CTNNA3: variants seen among roughly 807,000 people sequenced by gnomAD.
The protein encoded by CTNNA3 is catenin alpha-3.
Under a neutral mutation model 95.7 loss-of-function variants are expected in CTNNA3, and 76 were observed. That is an observed-to-expected ratio of 0.79 (90% CI 0.66 to 0.96). CTNNA3 has a LOEUF of 0.96. Ranked by LOEUF, CTNNA3 falls within the 40% of genes least tolerant of loss-of-function variation. The probability of loss-of-function intolerance (pLI) is 0.00; values close to 1 mark genes in which losing one functional copy is unlikely to be tolerated. For synonymous variants in CTNNA3, 431 were observed against 374.4 expected (o/e 1.15, Z -1.74); for missense variants, 1,191 against 1,089.8 (o/e 1.09, Z -1.31).
chr10:65,963,245 T>A (rs2077890530), intron 17 of CTNNA3, among the ~76,000 whole-genome samples: 1 of 152,178 alleles, frequency 6.6e-6, no homozygotes. Context: ...AAGCTTTTGC[T>A]CTACTTGCCC....
At chr10:66,105,992 T>G (rs1449245138) in intron 13 of CTNNA3, among the ~76,000 whole-genome samples, 1 of 152,072 alleles carries the variant, frequency 6.6e-6, no homozygotes, top group Non-Finnish European at 1.5e-5. Context: ...GTGGATCACC[T>G]GAGTCAGATG....
chr10:66,179,643 A>T (rs549824925), intron 13 of CTNNA3, among the ~76,000 whole-genome samples: 1 of 152,176 alleles, frequency 6.6e-6, no homozygotes, highest in Non-Finnish European at 1.5e-5. Context: ...ATCTCCATAA[A>T]GGCAATCACA....
chr10:67,332,031 TAA>T (rs1306961652), intron 5 of CTNNA3, among the ~76,000 whole-genome samples: 4 of 152,142 alleles, frequency 2.6e-5, no homozygotes, highest in Admixed American at 6.5e-5. Flanking sequence ...AGTGCTAAGA[TAA>T]AGAGTTTAGA....
chr10:67,381,130 T>C (rs1843928919), intron 5 of CTNNA3, among the ~76,000 whole-genome samples: 1 of 152,196 alleles, frequency 6.6e-6, no homozygotes, highest in Admixed American at 6.5e-5. Context: ...CTGAAGATCA[T>C]TAAAGTATTT....
chr10:66,682,006 A>C (rs4495782), intron 9 of CTNNA3, among the ~76,000 whole-genome samples: 84,233 of 152,008 alleles, frequency 0.55, 24,095 homozygotes, highest in African/African-American at 0.68. Context: ...CTGCAGCTAG[A>C]AACCTGTGGG....
chr10:67,187,246 C>A (rs914641120), intron 6 of CTNNA3, among the ~76,000 whole-genome samples: 64 of 152,184 alleles, frequency 4.2e-4, no homozygotes, highest in African/African-American at 1.4e-3. Flanking sequence ...CCATTACCAA[C>A]CATTTTGTGG....
intron 9 of CTNNA3, among the ~76,000 whole-genome samples, chr10:66,628,781 G>T (rs534882767): frequency 4.6e-5 from 7 of 152,180 alleles, no homozygotes; most frequent in Admixed American, 4.6e-4. Flanking sequence ...AGTTCTTCAG[G>T]TTGGTAGGAG....
At chr10:66,547,343 C>CTTTTTTTTTTT (rs1246714246) in intron 10 of CTNNA3, among the ~76,000 whole-genome samples, 3,828 of 83,000 alleles carry the variant, frequency 0.046, 1,172 homozygotes, top group African/African-American at 0.11. Flanking sequence ...ATTTTTCTTT[C>CTTTTTTTTTTT]TTTCTTTTTT....
intron 13 of CTNNA3, among the ~76,000 whole-genome samples, chr10:66,112,784 C>T (rs1205938943): frequency 6.6e-6 from 1 of 151,260 alleles, no homozygotes; most frequent in African/African-American, 2.4e-5. Context: ...TCACACTTGT[C>T]GTTGCATATG....
chr10:66,137,976 A>T (rs2083437925), intron 13 of CTNNA3, among the ~76,000 whole-genome samples: 1 of 152,090 alleles, frequency 6.6e-6, no homozygotes, highest in Admixed American at 6.6e-5. Context: ...TTTTGTGCAT[A>T]GATATATAAA....
chr10:67,174,797 T>A (rs1306253083), intron 7 of CTNNA3, among the ~76,000 whole-genome samples: 3 of 152,142 alleles, frequency 2.0e-5, no homozygotes, highest in African/African-American at 7.2e-5. Flanking sequence ...TATATCTTCT[T>A]GGACTTTGAC....
chr10:66,889,099 A>G (rs1035996249), intron 7 of CTNNA3, among the ~76,000 whole-genome samples: 2 of 152,044 alleles, frequency 1.3e-5, no homozygotes, highest in African/African-American at 4.8e-5. Flanking sequence ...CATATTACTA[A>G]GTGAAAGAAG....
At chr10:66,677,654 C>G (rs2132490628) in intron 9 of CTNNA3, among the ~76,000 whole-genome samples, 1 of 152,230 alleles carries the variant, frequency 6.6e-6, no homozygotes, top group East Asian at 1.9e-4. Flanking sequence ...CCTACACAAG[C>G]TCTCTTACCT....
chr10:67,750,635 C>A (rs745481412), intron 1 of CTNNA3: 35 of 1,547,514 alleles, frequency 2.3e-5, no homozygotes, highest in Non-Finnish European at 3.0e-5. Context: ...GGATACAAGT[C>A]TGGGGATGAT....
intron 1 of CTNNA3, among the ~76,000 whole-genome samples, chr10:67,727,018 GAT>G (rs1233579696): frequency 9.7e-6 from 1 of 103,262 alleles, no homozygotes; most frequent in African/African-American, 4.3e-5. Flanking sequence ...ATACATATAT[GAT>G]ATAATTATAT....
intron 17 of CTNNA3, among the ~76,000 whole-genome samples, chr10:65,947,346 G>C (rs1291086548): frequency 6.6e-6 from 1 of 152,040 alleles, no homozygotes; most frequent in Non-Finnish European, 1.5e-5. Flanking sequence ...AAATATATCA[G>C]TGAATAATAT....
intron 11 of CTNNA3, among the ~76,000 whole-genome samples, chr10:66,442,656 A>T (rs1308393763): frequency 6.6e-6 from 1 of 152,196 alleles, no homozygotes; most frequent in Non-Finnish European, 1.5e-5. Context: ...AATGAAAGAC[A>T]ACTAAAATTA....
intron 5 of CTNNA3, among the ~76,000 whole-genome samples, chr10:67,504,112 A>C (rs1031978876): frequency 2.0e-5 from 3 of 149,426 alleles, no homozygotes; most frequent in Non-Finnish European, 4.4e-5. Flanking sequence ...AGCCGAGATC[A>C]CGCCACTGCA....
At chr10:66,994,320 C>T (rs1851208662) in intron 7 of CTNNA3, among the ~76,000 whole-genome samples, 1 of 152,148 alleles carries the variant, frequency 6.6e-6, no homozygotes, top group African/African-American at 2.4e-5. Flanking sequence ...CTGGCCTTTG[C>T]TAATCACACC....
Sources: allele counts gnomAD v4.1 joint callset (sites outside exome capture counted in the v4.1 genomes callset), GRCh38; gene constraint gnomAD v4.1.1; transcripts MANE v1.5; gene names NCBI Gene and HGNC (gene_info 2026-07-23, HGNC 2026-07-21).